The following AKAP6 variants were observed in gnomAD, a reference collection of about 807,000 sequenced individuals.
AKAP6 encodes the protein A-kinase anchoring protein 6.
Under a neutral mutation model 188.5 loss-of-function variants are expected in AKAP6, and 58 were observed. The ratio of observed to expected loss-of-function variants is 0.31; its 90% CI spans 0.25 to 0.38. The LOEUF (loss-of-function observed/expected upper bound fraction) is 0.38, where lower values mean the gene tolerates loss of function less well. AKAP6 is among the 10% of genes least tolerant of loss of function. The probability of loss-of-function intolerance (pLI) is 1.00; values close to 1 mark genes in which losing one functional copy is unlikely to be tolerated. For synonymous variants in AKAP6, 989 were observed against 998.6 expected (o/e 0.99, Z 0.18); for missense variants, 2,710 against 2,740.0 (o/e 0.99, Z 0.24).
chr14:32,540,129 GCGCT>G (rs1307194465), intron 3 of AKAP6, among the ~76,000 whole-genome samples: 2 of 95,572 alleles, frequency 2.1e-5, no homozygotes, highest in African/African-American at 5.9e-5. Flanking sequence ...CTTTGCTCGT[GCGCT>G]CTCTCTCTCT....
intron 2 of AKAP6, among the ~76,000 whole-genome samples, chr14:32,458,142 T>G (rs1043111392): frequency 1.3e-5 from 2 of 152,196 alleles, no homozygotes; most frequent in African/African-American, 4.8e-5. Flanking sequence ...CATAATTATT[T>G]CAAATTTGCT....
At chr14:32,826,481 G>T (rs1457142716) in intron 13 of AKAP6, among the ~76,000 whole-genome samples, 1 of 152,156 alleles carries the variant, frequency 6.6e-6, no homozygotes, top group East Asian at 1.9e-4. Context: ...AACCTCCGCA[G>T]AAGGGCTGGT....
intron 12 of AKAP6, among the ~76,000 whole-genome samples, chr14:32,795,493 G>A (rs1460853626): frequency 6.6e-6 from 1 of 152,100 alleles, no homozygotes; most frequent in Non-Finnish European, 1.5e-5. Flanking sequence ...ACATATGTGA[G>A]TCAATAAATG....
At chr14:32,762,659 A>T (rs1218479963) in intron 11 of AKAP6, among the ~76,000 whole-genome samples, 1 of 152,098 alleles carries the variant, frequency 6.6e-6, no homozygotes, top group East Asian at 1.9e-4. Flanking sequence ...AAATTAATAC[A>T]TATTTTTTCC....
At chr14:32,810,074 C>T (rs1465394551) in intron 12 of AKAP6, among the ~76,000 whole-genome samples, 1 of 152,152 alleles carries the variant, frequency 6.6e-6, no homozygotes, top group African/African-American at 2.4e-5. Flanking sequence ...GCAGGCATGG[C>T]CCAGGTAATC....
chr14:32,429,512 A>G (rs917062977), intron 1 of AKAP6, among the ~76,000 whole-genome samples: 1 of 152,214 alleles, frequency 6.6e-6, no homozygotes, highest in Non-Finnish European at 1.5e-5. Context: ...CCATCCATAT[A>G]TGCTACATTT....
At chr14:32,368,066 T>C (rs1009687948) in intron 1 of AKAP6, among the ~76,000 whole-genome samples, 3 of 152,114 alleles carry the variant, frequency 2.0e-5, no homozygotes, top group African/African-American at 7.2e-5. Flanking sequence ...TTCTAGAAAT[T>C]TGAAGGCCCT....
chr14:32,531,286 C>T (rs1882403271), intron 2 of AKAP6, among the ~76,000 whole-genome samples: 1 of 152,154 alleles, frequency 6.6e-6, no homozygotes. Context: ...AGATGGGCTT[C>T]TGATTAGCTT....
chr14:32,681,477 C>T (rs1889674098), intron 8 of AKAP6, among the ~76,000 whole-genome samples: 1 of 152,090 alleles, frequency 6.6e-6, no homozygotes, highest in East Asian at 1.9e-4. Flanking sequence ...AAGGATTTAT[C>T]TGGACTCTTA....
chr14:32,541,333 A>G (rs1882946764), intron 3 of AKAP6, among the ~76,000 whole-genome samples: 1 of 88 alleles, frequency 0.011, no homozygotes, highest in Non-Finnish European at 0.038. Flanking sequence ...TTCATCTAAT[A>G]TATATATATA....
chr14:32,513,783 A>G (rs895651405), intron 2 of AKAP6, among the ~76,000 whole-genome samples: 3 of 152,226 alleles, frequency 2.0e-5, no homozygotes, highest in Non-Finnish European at 4.4e-5. Flanking sequence ...AGAAAATACT[A>G]TGAATAGCTT....
chr14:32,486,215 G>A (rs562948282), intron 2 of AKAP6, among the ~76,000 whole-genome samples: 12 of 152,336 alleles, frequency 7.9e-5, no homozygotes, highest in African/African-American at 1.2e-4. Context: ...TTTGGTTACC[G>A]TATGCTTGTA....
chr14:32,822,856 T>C lies in AKAP6; in HGVS notation c.5043T>C (p.Asn1681=), dbSNP rs755599642. Residue 1681 remains asparagine (N), a synonymous_variant, in exon 13 of 14, where the codon AAT becomes AAC. Transcript: ENST00000280979. ...CATTGGACATAGCATCTTCTATCAATGAAGACTCAGCGGCATCTCTAACAG... is the reference window on the plus strand; with the variant it reads ...CATTGGACATAGCATCTTCTATCAACGAAGACTCAGCGGCATCTCTAACAG... The part of the protein sequence containing the change: ...QMSLDIASSI[N]EDSAASLTEL... The C allele has an allele frequency of 6.8e-6, 11 of 1,613,932 alleles. No individual in the cohort carries two copies. The highest frequency in any genetic ancestry group is 1.7e-4 in the Middle Eastern group (1 of 6,060).
intron 1 of AKAP6, among the ~76,000 whole-genome samples, chr14:32,384,186 G>A (rs1034096137): frequency 2.0e-5 from 3 of 152,220 alleles, no homozygotes; most frequent in East Asian, 1.9e-4. Flanking sequence ...ATAGGCCCAA[G>A]AGGAATGAAT....
chr14:32,440,025 A>T (rs767406759), intron 2 of AKAP6, among the ~76,000 whole-genome samples: 1 of 152,240 alleles, frequency 6.6e-6, no homozygotes, highest in Non-Finnish European at 1.5e-5. Context: ...TTGTGAAATC[A>T]GTTTAGTGAA....
chr14:32,700,875 C>T (rs925878050), intron 9 of AKAP6, among the ~76,000 whole-genome samples: 2 of 152,152 alleles, frequency 1.3e-5, no homozygotes, highest in African/African-American at 4.8e-5. Flanking sequence ...TTTCTCAGAA[C>T]ATACCCCGTT....
At chr14:32,578,374 G>T (rs1305562811) in intron 5 of AKAP6, among the ~76,000 whole-genome samples, 1 of 152,114 alleles carries the variant, frequency 6.6e-6, no homozygotes, top group Non-Finnish European at 1.5e-5. Context: ...TGTGGTAGAG[G>T]ATGAGTGTAT....
At chr14:32,422,786 G>GGGAAAT (rs1379809687) in intron 1 of AKAP6, among the ~76,000 whole-genome samples, 6 of 138,154 alleles carry the variant, frequency 4.3e-5, no homozygotes, top group African/African-American at 1.7e-4. Context: ...GCCAGCTCCT[G>GGGAAAT]GGAGCTGGGG....
intron 1 of AKAP6, among the ~76,000 whole-genome samples, chr14:32,405,635 A>C (rs1889263962): frequency 6.6e-6 from 1 of 152,148 alleles, no homozygotes; most frequent in Non-Finnish European, 1.5e-5. Flanking sequence ...CCCACGTGTC[A>C]ATGGTGGGAC....
Sources: gnomAD v4.1 joint callset for allele counts (sites outside exome capture counted in the v4.1 genomes callset) on GRCh38, gnomAD v4.1.1 for gene constraint, MANE v1.5 for transcripts, NCBI Gene and HGNC (gene_info 2026-07-23, HGNC 2026-07-21) for gene names.